The following NCOA2 variants were observed in gnomAD, a reference collection of about 807,000 sequenced individuals.
NCOA2 encodes nuclear receptor coactivator 2.
Under a neutral mutation model 145.1 loss-of-function variants are expected in NCOA2, and 21 were observed. That is an observed-to-expected ratio of 0.14 (90% CI 0.10 to 0.21). The LOEUF (loss-of-function observed/expected upper bound fraction) is 0.21. NCOA2 is among the 10% of genes least tolerant of loss of function. The pLI, the probability that NCOA2 is intolerant of heterozygous loss-of-function variation, is 1.00. For missense variants in NCOA2, 1,472 were observed against 1,837.6 expected (o/e 0.80, Z 3.64); for synonymous variants, 619 against 637.5 (o/e 0.97, Z 0.44).
rs577306158 is a variant in NCOA2 at position 70,340,156 on chromosome 8, C to G, written c.-76-43356G>C. Among the ~76,000 whole-genome samples the G allele has an allele frequency of 3.9e-5, 6 of 152,210 alleles. No individual in the cohort carries two copies. In the East Asian group the frequency reaches 9.6e-4, roughly 24 times the overall value. ...ACTATCATCAGAGTAAACAGACAAC[C>G]TACAGAATGGGAGAAACATTTGGTA... On this transcript the variant is annotated intron_variant, in intron 1 of 22. Coordinates refer to ENST00000452400, the MANE Select transcript of NCOA2 (RefSeq NM_006540.4).
At chr8:70,377,115 T>G (rs1328256660) in intron 1 of NCOA2, among the ~76,000 whole-genome samples, 1 of 152,066 alleles carries the variant, frequency 6.6e-6, no homozygotes, top group Non-Finnish European at 1.5e-5. Flanking sequence ...AAAACAAAAG[T>G]GCTTTATGTA....
intron 4 of NCOA2, among the ~76,000 whole-genome samples, chr8:70,193,054 G>A (rs961945809): frequency 3.6e-4 from 42 of 117,264 alleles, no homozygotes; most frequent in African/African-American, 1.1e-3. Flanking sequence ...GCGACAGAGC[G>A]AGACTCTATT....
At chr8:70,391,894 C>T (rs1216203253) in intron 1 of NCOA2, among the ~76,000 whole-genome samples, 2 of 152,144 alleles carry the variant, frequency 1.3e-5, no homozygotes, top group Admixed American at 1.3e-4. Flanking sequence ...AATAATGGTA[C>T]TGTGTGTGTG....
the NCOA2 span, among the ~76,000 whole-genome samples, chr8:70,435,239 C>T: frequency 6.6e-6 from 1 of 150,960 alleles, no homozygotes; most frequent in East Asian, 1.9e-4. Context: ...TCCTGGCTAA[C>T]ACGGTGAAAC....
chr8:70,206,378 T>C lies in NCOA2; in HGVS notation c.259+7525A>G, dbSNP rs76293038. Among the ~76,000 whole-genome samples, 583 of 152,318 alleles carry C rather than the reference T, an allele frequency of 3.8e-3. 9 individuals are homozygous for C. The highest frequency in any genetic ancestry group is 0.013 in the African/African-American group (560 of 41,564). On this transcript the variant is annotated intron_variant, in intron 4 of 22. Transcript: ENST00000452400. ...TCCTCCTGCTCCTTCTAAGTCTATT[T>C]AAATTATAAAAATAAATGAAAGCTT...
chr8:70,320,743 G>C (rs1007238975), intron 1 of NCOA2, among the ~76,000 whole-genome samples: 2 of 152,130 alleles, frequency 1.3e-5, no homozygotes, highest in East Asian at 3.9e-4. Context: ...TAAAAAAAAG[G>C]TTTTCTTGGA....
At chr8:70,312,497 G>A (rs1280446273) in intron 1 of NCOA2, among the ~76,000 whole-genome samples, 1 of 152,116 alleles carries the variant, frequency 6.6e-6, no homozygotes. Context: ...TCACAAATTT[G>A]CTGACTGATA....
intron 1 of NCOA2, among the ~76,000 whole-genome samples, chr8:70,382,858 G>A (rs1051189033): frequency 3.9e-5 from 6 of 152,056 alleles, no homozygotes; most frequent in African/African-American, 7.3e-5. Flanking sequence ...ATAATACTTC[G>A]CAATTTTATG....
intron 2 of NCOA2, among the ~76,000 whole-genome samples, chr8:70,231,749 G>C (rs1319869901): frequency 6.6e-6 from 1 of 152,090 alleles, no homozygotes; most frequent in Non-Finnish European, 1.5e-5. Flanking sequence ...AGTAGGTGGG[G>C]TCACCCTCTC....
At chr8:70,333,169 A>G (rs112333542) in intron 1 of NCOA2, among the ~76,000 whole-genome samples, 4,910 of 152,236 alleles carry the variant, frequency 0.032, 256 homozygotes, top group African/African-American at 0.11. Context: ...AGCTGGCTGG[A>G]CCGGTCTTTT....
intron 1 of NCOA2, among the ~76,000 whole-genome samples, chr8:70,299,828 G>T (rs1028632954): frequency 1.3e-5 from 2 of 152,182 alleles, no homozygotes; most frequent in African/African-American, 4.8e-5. Flanking sequence ...ACAAAGAGCT[G>T]AATGGAAATG....
In NCOA2 at chr8:70,367,066, A is replaced by T. The variant is rs185310307; in HGVS notation, c.-77+36634T>A. ...TACAGTTCTCCTAAAGGACAATAATAGCAACCCGATCATGTCTGACTTTAC... is the reference window on the plus strand; with the variant it reads ...TACAGTTCTCCTAAAGGACAATAATTGCAACCCGATCATGTCTGACTTTAC... On this transcript the variant is annotated intron_variant, in intron 1 of 22. Transcript: ENST00000452400. Among the ~76,000 whole-genome samples the T allele has an allele frequency of 1.8e-4, 27 of 152,368 alleles. 1 individual carries two copies. In the South Asian group the frequency reaches 4.8e-3, roughly 27 times the overall value.
At chr8:70,452,917 T>G in the NCOA2 span, among the ~76,000 whole-genome samples, 6 of 152,262 alleles carry the variant, frequency 3.9e-5, no homozygotes, top group East Asian at 1.2e-3. Context: ...AGGATAAAAA[T>G]CTTCTTTCAA....
intron 1 of NCOA2, among the ~76,000 whole-genome samples, chr8:70,339,177 T>A (rs779880756): frequency 2.0e-5 from 3 of 152,144 alleles, no homozygotes; most frequent in Non-Finnish European, 4.4e-5. Flanking sequence ...ATCCAGCATC[T>A]AGAAAACCCC....
chr8:70,149,068 A>C (rs1052636707), intron 11 of NCOA2, among the ~76,000 whole-genome samples: 1 of 152,008 alleles, frequency 6.6e-6, no homozygotes, highest in African/African-American at 2.4e-5. Flanking sequence ...TGCCTTTTCA[A>C]TTTGAGTAGT....
At chr8:70,331,004 C>T (rs1224671559) in intron 1 of NCOA2, among the ~76,000 whole-genome samples, 1 of 151,214 alleles carries the variant, frequency 6.6e-6, no homozygotes, top group Non-Finnish European at 1.5e-5. Flanking sequence ...GCCTCCCGTA[C>T]TCCCACTTAC....
the NCOA2 span, among the ~76,000 whole-genome samples, chr8:70,451,078 C>A: frequency 6.7e-6 from 1 of 149,380 alleles, no homozygotes; most frequent in Non-Finnish European, 1.5e-5. Flanking sequence ...ATTAGCCTGG[C>A]CTGGTGGCGG....
intron 2 of NCOA2, among the ~76,000 whole-genome samples, chr8:70,279,444 T>C (rs1261772906): frequency 6.6e-6 from 1 of 152,198 alleles, no homozygotes; most frequent in Non-Finnish European, 1.5e-5. Flanking sequence ...ACCTGAATAA[T>C]TCCTGAGTAA....
intron 1 of NCOA2, among the ~76,000 whole-genome samples, chr8:70,347,517 A>C (rs1230405729): frequency 6.6e-6 from 1 of 151,848 alleles, no homozygotes; most frequent in African/African-American, 2.4e-5. Flanking sequence ...TGAGCTGGGC[A>C]TGGTGACATA....
Sources: gnomAD v4.1 joint callset for allele counts (sites outside exome capture counted in the v4.1 genomes callset) on GRCh38, gnomAD v4.1.1 for gene constraint, MANE v1.5 for transcripts, NCBI Gene and HGNC (gene_info 2026-07-23, HGNC 2026-07-21) for gene names.